Variants in SPIDR observed in about 807,000 individuals in gnomAD.
The protein encoded by SPIDR is DNA repair-scaffolding protein.
In SPIDR, 93 loss-of-function variants were observed where a neutral mutation model predicts 104.6. The ratio of observed to expected loss-of-function variants is 0.89; its 90% CI spans 0.75 to 1.06. The LOEUF is 1.06. Among genes scored for constraint, SPIDR ranks in the 50% least tolerant of loss-of-function variants. SPIDR has a pLI of 0.00. For missense variants in SPIDR, 1,154 were observed against 1,111.2 expected (o/e 1.04, Z -0.55); for synonymous variants, 431 against 416.9 (o/e 1.03, Z -0.41).
intron 5 of SPIDR, among the ~76,000 whole-genome samples, chr8:47,342,701 A>C (rs2051026003): frequency 6.6e-6 from 1 of 152,062 alleles, no homozygotes; most frequent in Non-Finnish European, 1.5e-5. Flanking sequence ...CTCCTTTCTT[A>C]TTATTTCCTT....
chr8:47,530,041 C>G (rs1300953312), intron 8 of SPIDR, among the ~76,000 whole-genome samples: 1 of 152,186 alleles, frequency 6.6e-6, no homozygotes, highest in Non-Finnish European at 1.5e-5. Context: ...GGCACTTATA[C>G]AAGCCTAGGT....
chr8:47,284,683 T>A (rs895525860), intron 3 of SPIDR, among the ~76,000 whole-genome samples: 3 of 152,204 alleles, frequency 2.0e-5, no homozygotes, highest in Admixed American at 6.6e-5. Flanking sequence ...TTCCACAGGC[T>A]GAATTCTTGG....
intron 8 of SPIDR, among the ~76,000 whole-genome samples, chr8:47,560,340 T>C (rs1471625210): frequency 6.6e-6 from 1 of 152,230 alleles, no homozygotes; most frequent in African/African-American, 2.4e-5. Context: ...CAGCATCTTT[T>C]CTGGAATCCC....
At chr8:47,590,191 T>A (rs939615495) in intron 8 of SPIDR, among the ~76,000 whole-genome samples, 11 of 150,290 alleles carry the variant, frequency 7.3e-5, no homozygotes, top group Non-Finnish European at 1.3e-4. Flanking sequence ...AAAAAAAAAA[T>A]TATTTCTTTT....
chr8:47,592,287 G>A, intron 8 of SPIDR: 4 of 1,140,576 alleles, frequency 3.5e-6, no homozygotes, highest in Non-Finnish European at 4.0e-6. Context: ...TGGGTTGATA[G>A]CAGAACTGTG....
At chr8:47,675,919 C>T (rs1312993866) in intron 11 of SPIDR, among the ~76,000 whole-genome samples, 1 of 152,224 alleles carries the variant, frequency 6.6e-6, no homozygotes, top group African/African-American at 2.4e-5. Context: ...GGCTCTTTCA[C>T]TCGGCTGCCA....
chr8:47,718,048 A>G (rs2082815003), intron 16 of SPIDR, among the ~76,000 whole-genome samples: 1 of 152,238 alleles, frequency 6.6e-6, no homozygotes, highest in African/African-American at 2.4e-5. Context: ...TCCATATGCC[A>G]GACACATTGA....
At chr8:47,295,164 C>A (rs1461970439) in intron 5 of SPIDR, among the ~76,000 whole-genome samples, 6 of 151,976 alleles carry the variant, frequency 3.9e-5, no homozygotes, top group Non-Finnish European at 5.9e-5. Flanking sequence ...TTATATTGTC[C>A]ATGTCTTTTC....
intron 8 of SPIDR, among the ~76,000 whole-genome samples, chr8:47,483,769 C>CA (rs2077184797): frequency 6.6e-6 from 1 of 152,110 alleles, no homozygotes; most frequent in East Asian, 1.9e-4. Flanking sequence ...TATAGACTTT[C>CA]AGGTTCATTA....
At position 47,714,858 on chromosome 8, in the gene SPIDR, A is replaced by G. The variant is rs1338362331; in HGVS notation, c.2341+1217A>G. Among the ~76,000 whole-genome samples, 4 of 152,212 alleles carry G rather than the reference A, an allele frequency of 2.6e-5. No individual in the cohort carries two copies. In the East Asian group the frequency reaches 7.7e-4, roughly 29 times the overall value. On this transcript the variant is annotated intron_variant, in intron 16 of 19. Transcript: ENST00000297423. ...TTTGCAATTATTAAACAAGGCTGTA[A>G]TAAACATTCTTGGACATCAATCTCT... is the stretch of plus-strand genomic sequence containing the variant.
At position 47,596,646 on chromosome 8, in the gene SPIDR, C is replaced by T. The variant is rs547323215; in HGVS notation, c.1293+640C>T. ...ACTTTATAAACCCTGAACACTTGCA[C>T]TACACTAAATTAAATTTTTTTCTTC... On this transcript the variant is annotated intron_variant, in intron 9 of 19. Coordinates refer to ENST00000297423, the MANE Select transcript of SPIDR (RefSeq NM_001080394.4). 2.9e-4 allele frequency among the ~76,000 whole-genome samples: 44 copies of T among 152,222 alleles called. No homozygotes were observed. The South Asian group carries it at 8.7e-3, about 30-fold the overall frequency.
At chr8:47,659,780 G>A in intron 10 of SPIDR, 4 of 941,466 alleles carry the variant, frequency 4.2e-6, no homozygotes, top group Non-Finnish European at 5.1e-6. Context: ...TTTTCCTTGG[G>A]TTGAAGCTTC....
chr8:47,535,601 A>C (rs184719401), intron 8 of SPIDR, among the ~76,000 whole-genome samples: 1 of 152,314 alleles, frequency 6.6e-6, no homozygotes, highest in East Asian at 1.9e-4. Context: ...GTAATCCATC[A>C]CACCAACAGG....
intron 8 of SPIDR, among the ~76,000 whole-genome samples, chr8:47,585,503 T>C (rs1211888515): frequency 6.6e-6 from 1 of 152,178 alleles, no homozygotes; most frequent in Non-Finnish European, 1.5e-5. Flanking sequence ...AACTTCCTTC[T>C]TTCTCCTTTC....
rs1773495186 is a variant in SPIDR, at chr8:47,702,000, T to G, written c.1962T>G (p.Ile654Met). The G allele has an allele frequency of 6.2e-7, 1 of 1,613,096 alleles. No homozygotes were observed. Among genetic ancestry groups the G allele is most frequent in the South Asian group, 1.1e-5 (1 of 91,050 alleles). ...GTRCSFYATV[I>M]YQKPQLKSLL... ...GTTGCAGTTTCTATGCCACGGTGAT[T>G]TACCAAAAACCACAGGTAATAATCT... is the stretch of plus-strand genomic sequence containing the variant. The change falls in exon 14 of 20, where the codon ATT becomes ATG. Residue 654 changes from isoleucine to methionine, a missense_variant. By Grantham distance (10) the Ile-to-Met change is conservative. Transcript: ENST00000297423.
At chr8:47,364,885 G>A (rs1373874275) in intron 5 of SPIDR, among the ~76,000 whole-genome samples, 2 of 152,198 alleles carry the variant, frequency 1.3e-5, no homozygotes, top group Non-Finnish European at 2.9e-5. Flanking sequence ...ATGGAGGCAG[G>A]TAGCAGATGG....
chr8:47,363,864 GTCTC>G (rs1329029025), intron 5 of SPIDR, among the ~76,000 whole-genome samples: 2 of 145,350 alleles, frequency 1.4e-5, no homozygotes, highest in African/African-American at 2.6e-5. Flanking sequence ...TTCTCTCTCT[GTCTC>G]TCTCTCTTTC....
intron 8 of SPIDR, among the ~76,000 whole-genome samples, chr8:47,503,208 C>T (rs189445526): frequency 2.0e-5 from 3 of 152,156 alleles, no homozygotes; most frequent in Non-Finnish European, 2.9e-5. Flanking sequence ...CTTTCTGTCT[C>T]GTTGATATAT....
intron 5 of SPIDR, among the ~76,000 whole-genome samples, chr8:47,313,031 A>G (rs1244747092): frequency 1.3e-5 from 2 of 152,192 alleles, no homozygotes; most frequent in African/African-American, 2.4e-5. Flanking sequence ...CACCACTCCT[A>G]TTCAACATAG....
Sources: gnomAD v4.1 joint callset for allele counts (sites outside exome capture counted in the v4.1 genomes callset) on GRCh38, gnomAD v4.1.1 for gene constraint, MANE v1.5 for transcripts, NCBI Gene and HGNC (gene_info 2026-07-23, HGNC 2026-07-21) for gene names.